ATP8B3: variants seen among roughly 807,000 people sequenced by gnomAD.
The protein encoded by ATP8B3 is ATPase phospholipid transporting 8B3, also known as phospholipid-transporting ATPase IK.
A neutral mutation model predicts 140.9 loss-of-function variants in ATP8B3; 141 were observed. The ratio of observed to expected loss-of-function variants is 1.00; its 90% confidence interval spans 0.87 to 1.15. The LOEUF is 1.15. Ranked by LOEUF, ATP8B3 falls within the 50% of genes most tolerant of loss-of-function variation. The probability of loss-of-function intolerance (pLI) is 0.00; values close to 1 mark genes in which losing one functional copy is unlikely to be tolerated. For missense variants in ATP8B3, 1,874 were observed against 1,740.6 expected (o/e 1.08, Z -1.36); for synonymous variants, 765 against 714.6 (o/e 1.07, Z -1.13).
chr19:1,807,185 C>T lies in ATP8B3; in HGVS notation c.598G>A (p.Asp200Asn), dbSNP rs1040212443. Residue 200 changes from aspartate (D) to asparagine (N), a missense_variant, in exon 6 of 29, where the codon GAC (aspartate) becomes AAC (asparagine). Transcript: ENST00000310127. The surrounding 1 kb of genome is among the most constrained non-coding windows in gnomAD (Gnocchi z 5.9). ...GCACTCACCATGTCGTCCACCAGGT[C>T]CCGGGTGGCACGGATGAAGAGGAGG... ...VCLLFIRATR[D>N]LVDDMGRHKS... is the part of the protein sequence containing the mutation. 6 of 1,612,566 alleles carry T rather than the reference C, an allele frequency of 3.7e-6. No homozygotes were observed. The highest frequency in any genetic ancestry group is 5.1e-6 in the Non-Finnish European group (6 of 1,179,540).
At chr19:1,795,220 A>C (rs2068628880) in intron 18 of ATP8B3, among the ~76,000 whole-genome samples, 1 of 151,666 alleles carries the variant, frequency 6.6e-6, no homozygotes. Flanking sequence ...GCACCATTGC[A>C]CTCCAGCCTG....
In ATP8B3 at chr19:1,807,347, G is replaced by T; in HGVS notation, c.517-81C>A. On this transcript the variant is annotated intron_variant, in intron 5 of 28. Transcript: ENST00000310127. The surrounding 1 kb of genome is among the most constrained non-coding windows in gnomAD (Gnocchi z 5.9). ...CCTTCCACCAAGCCGACCTAGCCCC[G>T]CACTCGACACCACGTGACACATCTG... is the stretch of plus-strand genomic sequence containing the variant. The T allele has an allele frequency of 1.8e-6, 2 of 1,099,624 alleles. No individual in the cohort carries two copies. The highest frequency in any genetic ancestry group is 2.7e-6 in the Non-Finnish European group (2 of 749,020). 68.1% of individuals were successfully genotyped at this position (1,099,624 alleles called of 1,614,324 possible).
At chr19:1,809,876 C>T (rs1600488701) in intron 3 of ATP8B3, 142 bp from the exon 4 acceptor site, 3 of 736,702 alleles carry the variant, frequency 4.1e-6, no homozygotes, top group Admixed American at 2.3e-5. Context: ...AACAGACAGT[C>T]GGGCAGCAGG....
intron 10 of ATP8B3, among the ~76,000 whole-genome samples, chr19:1,804,752 G>A (rs1469301383): frequency 6.6e-6 from 1 of 152,142 alleles, no homozygotes; most frequent in Non-Finnish European, 1.5e-5. Context: ...GTTGCAGTGA[G>A]CCAAGATCGC....
At position 1,807,490 on chromosome 19, in the gene ATP8B3, C is replaced by T. The variant is rs1238885293; in HGVS notation, c.517-224G>A. The stretch of plus-strand genomic sequence containing the variant: ...CCACACGCCTCGTCTCCCCAGCAAA[C>T]TCCCCTTCTCCCGTCCAAGCCCAGC... On this transcript the variant is annotated intron_variant, in intron 5 of 28. Transcript: ENST00000310127. This position sits in a 1 kb window ranked among gnomAD's most constrained non-coding sequence, Gnocchi z 5.9. 6.6e-6 allele frequency among the ~76,000 whole-genome samples: 1 copy of T among 152,166 alleles called. No individual in the cohort carries two copies. Among genetic ancestry groups the T allele is most frequent in the Non-Finnish European group, 1.5e-5 (1 of 68,022 alleles).
At chr19:1,799,589 A>G (rs2068778832) in intron 14 of ATP8B3, 1 of 476,610 alleles carries the variant, frequency 2.1e-6, no homozygotes, top group South Asian at 4.0e-5. Context: ...AACATGGTGA[A>G]ACCCCATCTC....
chr19:1,794,234 C>T lies in ATP8B3; in HGVS notation c.2055+1641G>A, dbSNP rs1375641887. Among the ~76,000 whole-genome samples the T allele has an allele frequency of 2.6e-5, 4 of 152,190 alleles. No individual in the cohort carries two copies. The highest frequency in any genetic ancestry group is 4.4e-5 in the Non-Finnish European group (3 of 68,034). On this transcript the variant is annotated intron_variant, in intron 18 of 28. Coordinates refer to ENST00000310127, the MANE Select transcript of ATP8B3 (RefSeq NM_138813.4). The surrounding 1 kb of genome is among the most constrained non-coding windows in gnomAD (Gnocchi z 4.8). ...TGGGGCACGGGTCCAAGAGCTTGGG[C>T]TTGACACAGCAGAGGAGCTTCACGG...
Position 1,800,227 on chromosome 19 carries a change from T to A in ATP8B3, c.1343+32A>T. 1 of 1,605,608 alleles carries A rather than the reference T, an allele frequency of 6.2e-7. No individual in the cohort carries two copies. The highest frequency in any genetic ancestry group is 8.5e-7 in the Non-Finnish European group (1 of 1,175,638). Reference sequence around the variant, plus strand: ...ATCCCCATGCCTCCCCGTTCCGCGTTTGCACCGGGGACGCAGCCGGCGGAG... The same window carrying A: ...ATCCCCATGCCTCCCCGTTCCGCGTATGCACCGGGGACGCAGCCGGCGGAG... On this transcript the variant is annotated intron_variant, in intron 13 of 28. Transcript: ENST00000310127. The surrounding 1 kb of genome is among the most constrained non-coding windows in gnomAD (Gnocchi z 4.4).
chr19:1,810,888 A>G (rs2145213242), intron 2 of ATP8B3, among the ~76,000 whole-genome samples: 1 of 152,222 alleles, frequency 6.6e-6, no homozygotes, highest in South Asian at 2.1e-4. Flanking sequence ...GGGGACCCCA[A>G]GATGATCCTC....
chr19:1,783,843 C>CT (rs1239178588), intron 28 of ATP8B3, among the ~76,000 whole-genome samples: 8 of 152,002 alleles, frequency 5.3e-5, no homozygotes, highest in Admixed American at 2.0e-4. Context: ...AGTCCCCTCC[C>CT]TTTTTTTTGA....
At position 1,789,997 on chromosome 19, in the gene ATP8B3, G is replaced by A. The variant is rs1423318094; in HGVS notation, c.2379-8C>T. 1.9e-6 allele frequency: 3 copies of A among 1,605,436 alleles called. No individual in the cohort carries two copies. Among genetic ancestry groups the A allele is most frequent in the Non-Finnish European group, 2.6e-6 (3 of 1,174,310 alleles). On this transcript the variant is annotated splice_region_variant and splice_polypyrimidine_tract_variant and intron_variant, in intron 21 of 28. Coordinates refer to ENST00000310127, the MANE Select transcript of ATP8B3 (RefSeq NM_138813.4). ...TAGGTCTCCAGGATGCGGCTGCGGG[G>A]CGCAGGGGTCAGCGGGGCAGGGGAG...
rs764372591 is a variant in ATP8B3 at position 1,800,268 on chromosome 19, A to C, written c.1334T>G (p.Met445Arg). 1 of 1,611,594 alleles carries C rather than the reference A, an allele frequency of 6.2e-7. No individual in the cohort carries two copies. The highest frequency in any genetic ancestry group is 8.5e-7 in the Non-Finnish European group (1 of 1,179,440). Reference protein sequence around the residue: ...ILLSVTIPMSMFILSEFIYLG... With the variant: ...ILLSVTIPMSRFILSEFIYLG... Reference sequence around the variant, plus strand: ...GCCGGCGGAGACTCACAGGATGAACATGGACATCGGGATGGTGACGCTGAG... The same window carrying C: ...GCCGGCGGAGACTCACAGGATGAACCTGGACATCGGGATGGTGACGCTGAG... Residue 445 changes from methionine to arginine, a missense_variant, in exon 13 of 29, where the codon ATG (methionine) becomes AGG (arginine). Coordinates refer to ENST00000310127, the MANE Select transcript of ATP8B3 (RefSeq NM_138813.4). This position sits in a 1 kb window ranked among gnomAD's most constrained non-coding sequence, Gnocchi z 4.4.
chr19:1,783,355 T>C lies in ATP8B3; in HGVS notation c.3661-85A>G, dbSNP rs148189669. 1,406 of 1,485,690 alleles carry C rather than the reference T, an allele frequency of 9.5e-4. 4 individuals carry two copies. Among genetic ancestry groups the C allele is most frequent in the Middle Eastern group, 1.6e-3 (9 of 5,716 alleles). The allele number at this position is 1,485,690 out of a possible 1,614,324, so 92.0% of individuals were successfully genotyped here. On this transcript the variant is annotated intron_variant, in intron 28 of 28. Coordinates refer to ENST00000310127, the MANE Select transcript of ATP8B3 (RefSeq NM_138813.4). ...GGTCCCCCAAGTAGGAGAGGCAGGA[T>C]TCAAAGCCCTTGGCCACTATTGATT...
At position 1,807,986 on chromosome 19, in the gene ATP8B3, G is replaced by T. The variant is rs1263808576; in HGVS notation, c.516+236C>A. 6.6e-6 allele frequency among the ~76,000 whole-genome samples: 1 copy of T among 152,252 alleles called. No homozygotes were observed. The highest frequency in any genetic ancestry group is 1.5e-5 in the Non-Finnish European group (1 of 68,044). On this transcript the variant is annotated intron_variant, in intron 5 of 28. Coordinates refer to ENST00000310127, the MANE Select transcript of ATP8B3 (RefSeq NM_138813.4). The surrounding 1 kb of genome is among the most constrained non-coding windows in gnomAD (Gnocchi z 5.9). Reference sequence around the variant, plus strand: ...GCCCAGCCCTGCCCAGCAGGAACCAGCGGGGCGTGGAGAGGGTGCCGTCAT... The same window carrying T: ...GCCCAGCCCTGCCCAGCAGGAACCATCGGGGCGTGGAGAGGGTGCCGTCAT...
chr19:1,811,777 T>G lies in ATP8B3; in HGVS notation c.-41A>C. The stretch of plus-strand genomic sequence containing the variant: ...AAGGGAGGTTCAGGGCGAAGAGGGG[T>G]TTAGGCTGTGGGACGGGGGAGAGGT... On this transcript the variant is annotated 5_prime_UTR_variant, in exon 2 of 29. Coordinates refer to ENST00000310127, the MANE Select transcript of ATP8B3 (RefSeq NM_138813.4). The G allele has an allele frequency of 1.3e-6, 2 of 1,537,280 alleles. No individual in the cohort carries two copies. Among genetic ancestry groups the G allele is most frequent in the South Asian group, 1.2e-5 (1 of 80,872 alleles).
chr19:1,793,835 C>T (rs1442350683), intron 18 of ATP8B3, among the ~76,000 whole-genome samples: 3 of 150,600 alleles, frequency 2.0e-5, no homozygotes, highest in Non-Finnish European at 4.4e-5. Context: ...CTCTGCCTCC[C>T]GGGTTCAAGC....
rs767359352 is a variant in ATP8B3 at position 1,807,197 on chromosome 19, G to T, written c.586C>A (p.Arg196Ser). Residue 196 changes from arginine to serine, a missense_variant, in exon 6 of 29, where the codon CGT (arginine) becomes AGT (serine). Around this residue, in one of 3 missense-constraint regions of ATP8B3, gnomAD observed 1,032 missense variants for 963.6 expected, o/e 1.07. Transcript: ENST00000310127. The surrounding 1 kb of genome is among the most constrained non-coding windows in gnomAD (Gnocchi z 5.9). ...TCGTCCACCAGGTCCCGGGTGGCAC[G>T]GATGAAGAGGAGGCAGACCATAGGG... ...STPMVCLLFI[R>S]ATRDLVDDMG... 2.5e-6 allele frequency: 4 copies of T among 1,612,708 alleles called. No homozygotes were observed. The highest frequency in any genetic ancestry group is 2.5e-6 in the Non-Finnish European group (3 of 1,179,606).
At chr19:1,790,039 C>A (rs1216284870) in intron 21 of ATP8B3, 50 bp from the exon 22 acceptor site, 2 of 1,445,018 alleles carry the variant, frequency 1.4e-6, no homozygotes, top group South Asian at 2.3e-5. Context: ...GGCTTCTCCC[C>A]ACTTCCCCGG....
rs567968903 is a variant in ATP8B3, at chr19:1,787,195, G to T, written c.3070-9C>A. ...CATCCTTCATACAGGGGCTGAGCCG[G>T]GGGAGAAGGGCAAGGAGAACAAGTC... On this transcript the variant is annotated splice_polypyrimidine_tract_variant and intron_variant, in intron 24 of 28. Coordinates refer to ENST00000310127, the MANE Select transcript of ATP8B3 (RefSeq NM_138813.4). The T allele has an allele frequency of 3.7e-6, 6 of 1,602,852 alleles. No homozygotes were observed. The African/African-American group carries it at 8.0e-5, about 21-fold the overall frequency.
Sources: gnomAD v4.1 joint callset for allele counts (sites outside exome capture counted in the v4.1 genomes callset) on GRCh38, gnomAD v4.1.1 for gene constraint, gnomAD v4.1.1 regional missense constraint, Gnocchi (gnomAD v3.1) non-coding constraint, MANE v1.5 for transcripts, NCBI Gene and HGNC (gene_info 2026-07-23, HGNC 2026-07-21) for gene names.